Variants in ATRNL1 observed in about 807,000 individuals in gnomAD.
The protein encoded by ATRNL1 is attractin-like protein 1.
In ATRNL1, 95 loss-of-function variants were observed where a neutral mutation model predicts 182.7. The observed-to-expected ratio is 0.52, with a 90% CI of 0.44 to 0.62. The LOEUF (loss-of-function observed/expected upper bound fraction) is 0.62, where lower values mean the gene tolerates loss of function less well. Among genes scored for constraint, ATRNL1 ranks in the 20% least tolerant of loss-of-function variants. The pLI is 0.00. For missense variants in ATRNL1, 1,471 were observed against 1,679.5 expected (o/e 0.88, Z 2.17); for synonymous variants, 576 against 568.3 (o/e 1.01, Z -0.19).
chr10:115,231,968 G>A (rs1849972081), intron 9 of ATRNL1, among the ~76,000 whole-genome samples: 1 of 152,126 alleles, frequency 6.6e-6, no homozygotes, highest in Non-Finnish European at 1.5e-5. Flanking sequence ...ATTTTCCCAT[G>A]TGAGAGACCC....
chr10:115,912,882 G>T (rs1952725830), intron 28 of ATRNL1, among the ~76,000 whole-genome samples: 1 of 152,168 alleles, frequency 6.6e-6, no homozygotes, highest in East Asian at 1.9e-4. Context: ...GGGAGCATGG[G>T]GCTGAGGACC....
intron 1 of ATRNL1, among the ~76,000 whole-genome samples, chr10:115,111,655 C>G (rs1844261435): frequency 6.6e-6 from 1 of 152,096 alleles, no homozygotes; most frequent in Admixed American, 6.5e-5. Context: ...GAGGGATCTG[C>G]CTCCATGACC....
intron 25 of ATRNL1, among the ~76,000 whole-genome samples, chr10:115,537,105 T>G (rs1852075827): frequency 2.0e-5 from 3 of 152,242 alleles, no homozygotes; most frequent in African/African-American, 7.2e-5. Flanking sequence ...CCATGGTTTT[T>G]TTGTGGAATA....
chr10:115,283,187 G>T (rs12266264), intron 14 of ATRNL1, among the ~76,000 whole-genome samples: 5,678 of 152,196 alleles, frequency 0.037, 154 homozygotes, highest in South Asian at 0.078. Flanking sequence ...GCTGAGGTGG[G>T]TGGATCACTT....
Position 115,915,068 on chromosome 10 carries a change from C to T in ATRNL1, c.4019-29590C>T, listed in dbSNP as rs540135661. ...TCTTGTGGCATTACGAATATCTAGT[C>T]AAATATGTTTGTAAATGTCTTGATG... On this transcript the variant is annotated intron_variant, in intron 28 of 28. Transcript: ENST00000355044. Among the ~76,000 whole-genome samples the T allele has an allele frequency of 2.6e-5, 4 of 152,226 alleles. No individual in the cohort carries two copies. The South Asian group carries it at 6.2e-4, about 24-fold the overall frequency.
intron 24 of ATRNL1, among the ~76,000 whole-genome samples, chr10:115,503,744 T>G (rs1849964495): frequency 6.6e-6 from 1 of 152,010 alleles, no homozygotes; most frequent in Non-Finnish European, 1.5e-5. Flanking sequence ...AGACTGTTCA[T>G]GACATGCTTG....
chr10:115,178,203 C>T (rs1419310550), intron 8 of ATRNL1, among the ~76,000 whole-genome samples: 1 of 151,994 alleles, frequency 6.6e-6, no homozygotes, highest in Non-Finnish European at 1.5e-5. Flanking sequence ...AGCCACCGTG[C>T]CTGGCCAAGG....
At chr10:115,725,314 C>G (rs1736508604) in intron 26 of ATRNL1, among the ~76,000 whole-genome samples, 1 of 151,916 alleles carries the variant, frequency 6.6e-6, no homozygotes, top group Non-Finnish European at 1.5e-5. Context: ...TTGGGAGTCA[C>G]AATAATAGAT....
intron 26 of ATRNL1, among the ~76,000 whole-genome samples, chr10:115,682,076 T>A (rs1371986034): frequency 6.6e-6 from 1 of 152,148 alleles, no homozygotes; most frequent in Admixed American, 6.6e-5. Context: ...CAGTTCTTAC[T>A]CTAGCTGTGA....
intron 28 of ATRNL1, among the ~76,000 whole-genome samples, chr10:115,870,553 C>T (rs1277294494): frequency 6.6e-6 from 1 of 152,190 alleles, no homozygotes; most frequent in South Asian, 2.1e-4. Flanking sequence ...AGGACTAACC[C>T]CTGAACTCCC....
At chr10:115,845,433 A>C (rs543354527) in intron 27 of ATRNL1, among the ~76,000 whole-genome samples, 1 of 152,140 alleles carries the variant, frequency 6.6e-6, no homozygotes, top group Admixed American at 6.6e-5. Context: ...TAAGTCTCTG[A>C]AGTTTAAAGT....
chr10:115,932,351 A>G (rs1285962192), intron 28 of ATRNL1, among the ~76,000 whole-genome samples: 1 of 152,132 alleles, frequency 6.6e-6, no homozygotes, highest in Non-Finnish European at 1.5e-5. Flanking sequence ...GTACTGTCCA[A>G]CTCTACTGCT....
intron 18 of ATRNL1, among the ~76,000 whole-genome samples, chr10:115,322,471 G>T (rs1213664658): frequency 6.6e-6 from 1 of 151,274 alleles, no homozygotes; most frequent in Non-Finnish European, 1.5e-5. Context: ...TATGGTTATA[G>T]GACAAATAAT....
intron 10 of ATRNL1, among the ~76,000 whole-genome samples, chr10:115,243,749 G>GA (rs1554903481): frequency 6.6e-6 from 1 of 152,056 alleles, no homozygotes; most frequent in Non-Finnish European, 1.5e-5. Context: ...CAGACTGGAG[G>GA]AAGGAATAGC....
chr10:115,533,215 G>A (rs1851711985), intron 25 of ATRNL1, among the ~76,000 whole-genome samples: 1 of 151,400 alleles, frequency 6.6e-6, no homozygotes, highest in Admixed American at 6.6e-5. Flanking sequence ...GAATTCGGCT[G>A]TGAATCCATC....
At chr10:115,481,693 G>A (rs1416417690) in intron 24 of ATRNL1, among the ~76,000 whole-genome samples, 3 of 150,538 alleles carry the variant, frequency 2.0e-5, no homozygotes, top group Non-Finnish European at 4.5e-5. Context: ...AATATTTACT[G>A]AGAAGAATTT....
At chr10:115,933,270 T>C (rs1297257146) in intron 28 of ATRNL1, among the ~76,000 whole-genome samples, 2 of 152,256 alleles carry the variant, frequency 1.3e-5, no homozygotes, top group African/African-American at 4.8e-5. Flanking sequence ...TAGAGTCAGC[T>C]TCTTCACTAG....
Position 115,286,451 on chromosome 10 carries a change from T to A in ATRNL1, c.2415+54T>A, listed in dbSNP as rs1280984066. The A allele has an allele frequency of 4.1e-6, 5 of 1,212,340 alleles. No individual in the cohort carries two copies. The East Asian group carries it at 1.1e-4, about 26-fold the overall frequency. 75.1% of individuals were successfully genotyped at this position (1,212,340 alleles called of 1,614,324 possible). A position where few individuals can be genotyped will look rare whatever the true frequency, so the allele number is the denominator to read the frequency against. ...AAATATGCTATGATAATTTCATAAT[T>A]ATTTGAAATTTTTTTTTGGTTTTAA... On this transcript the variant is annotated intron_variant, in intron 15 of 28. Transcript: ENST00000355044.
intron 8 of ATRNL1, among the ~76,000 whole-genome samples, chr10:115,173,071 A>G (rs899955096): frequency 6.6e-6 from 1 of 151,976 alleles, no homozygotes; most frequent in African/African-American, 2.4e-5. Flanking sequence ...CTGAGAAAAC[A>G]GAAGTAATCA....
Sources: allele counts gnomAD v4.1 joint callset (sites outside exome capture counted in the v4.1 genomes callset), GRCh38; gene constraint gnomAD v4.1.1; transcripts MANE v1.5; gene names NCBI Gene and HGNC (gene_info 2026-07-23, HGNC 2026-07-21).